IL1RAPL2: variants seen among roughly 807,000 people sequenced by gnomAD.
IL1RAPL2 encodes the protein interleukin 1 receptor accessory protein like 2.
A neutral mutation model predicts 44.1 loss-of-function variants in IL1RAPL2; 3 were observed. The observed-to-expected ratio is 0.07, with a 90% CI of 0.03 to 0.18. The LOEUF is 0.18. Ranked by LOEUF, IL1RAPL2 falls within the 10% of genes least tolerant of loss-of-function variation. The probability of loss-of-function intolerance (pLI) is 1.00; values close to 1 mark genes in which losing one functional copy is unlikely to be tolerated. For synonymous variants in IL1RAPL2, 181 were observed against 178.8 expected (o/e 1.01, Z -0.10); for missense variants, 391 against 496.4 (o/e 0.79, Z 2.02).
At chrX:105,014,002 C>T (rs1005274991) in intron 2 of IL1RAPL2, among the ~76,000 whole-genome samples, 8 of 112,025 alleles carry the variant, frequency 7.1e-5, no homozygotes, top group Non-Finnish European at 1.1e-4. Context: ...GCACATAGTG[C>T]GTATTCAGTG....
intron 2 of IL1RAPL2, among the ~76,000 whole-genome samples, chrX:104,985,239 C>T (rs1236986620): frequency 9.1e-6 from 1 of 109,864 alleles, no homozygotes; most frequent in African/African-American, 3.3e-5. Flanking sequence ...AGGTGTGTGC[C>T]ACCATGCCCA....
intron 1 of IL1RAPL2, among the ~76,000 whole-genome samples, chrX:104,580,947 T>G (rs1928333679): frequency 8.9e-6 from 1 of 112,355 alleles, no homozygotes; most frequent in African/African-American, 3.2e-5. Flanking sequence ...CTTTGAATCC[T>G]GTGGTTCTAT....
chrX:105,209,152 A>G (rs1415001051), intron 3 of IL1RAPL2, among the ~76,000 whole-genome samples: 1 of 112,267 alleles, frequency 8.9e-6, no homozygotes, highest in Non-Finnish European at 1.9e-5. Flanking sequence ...TCTGATTTTT[A>G]AGCATTTAGG....
At chrX:105,137,385 T>C (rs2033086062) in intron 2 of IL1RAPL2, among the ~76,000 whole-genome samples, 1 of 112,056 alleles carries the variant, frequency 8.9e-6, no homozygotes, top group African/African-American at 3.2e-5. Flanking sequence ...AACTCTGTTC[T>C]AGAGCAATGA....
intron 1 of IL1RAPL2, among the ~76,000 whole-genome samples, chrX:104,607,164 G>A (rs764934234): frequency 2.7e-5 from 3 of 112,193 alleles, no homozygotes; most frequent in East Asian, 2.8e-4. Flanking sequence ...AATAAATGGT[G>A]TTGGGAAAAC....
chrX:104,914,467 T>A (rs751716743), intron 2 of IL1RAPL2, among the ~76,000 whole-genome samples: 1 of 112,248 alleles, frequency 8.9e-6, no homozygotes, highest in African/African-American at 3.2e-5. Flanking sequence ...CCATTTAAAA[T>A]AATTTTATAA....
intron 10 of IL1RAPL2, among the ~76,000 whole-genome samples, chrX:105,763,657 T>C (rs981979663): frequency 9.4e-6 from 1 of 106,796 alleles, no homozygotes. Flanking sequence ...GAGGGGGAAA[T>C]GGGGGAGAAA....
chrX:104,665,630 A>T (rs1238286225), intron 2 of IL1RAPL2, among the ~76,000 whole-genome samples: 2 of 111,162 alleles, frequency 1.8e-5, no homozygotes, highest in African/African-American at 3.3e-5. Flanking sequence ...CATTTTTCAA[A>T]CTTGGAATCA....
intron 5 of IL1RAPL2, among the ~76,000 whole-genome samples, chrX:105,422,849 A>G (rs369414390): frequency 3.6e-5 from 4 of 110,719 alleles, no homozygotes; most frequent in Admixed American, 2.9e-4. Flanking sequence ...CTTCAAAGTT[A>G]TCAGAAACTT....
intron 5 of IL1RAPL2, among the ~76,000 whole-genome samples, chrX:105,419,491 C>T (rs1415360941): frequency 5.4e-5 from 6 of 111,567 alleles, no homozygotes; most frequent in Admixed American, 1.9e-4. Flanking sequence ...TTTCAAAGCA[C>T]GAATTCTACT....
intron 2 of IL1RAPL2, among the ~76,000 whole-genome samples, chrX:104,732,762 C>T (rs1454501360): frequency 1.8e-5 from 2 of 111,316 alleles, no homozygotes; most frequent in Non-Finnish European, 3.8e-5. Flanking sequence ...GAAAATTCCC[C>T]TGAACTAATT....
At chrX:104,658,826 T>C (rs1338938084) in intron 1 of IL1RAPL2, 69 bp from the exon 2 acceptor site, 4 of 651,729 alleles carry the variant, frequency 6.1e-6, no homozygotes, top group Non-Finnish European at 7.4e-6. Flanking sequence ...AATGTAAAAT[T>C]ATAGGTGTGG....
intron 6 of IL1RAPL2, among the ~76,000 whole-genome samples, chrX:105,697,293 C>A (rs866676962): frequency 5.6e-4 from 43 of 76,849 alleles, no homozygotes; most frequent in African/African-American, 7.3e-4. Flanking sequence ...CAACATAGCT[C>A]AAAAAAAAAA....
At chrX:105,398,556 A>G (rs1173816707) in intron 5 of IL1RAPL2, among the ~76,000 whole-genome samples, 2 of 110,721 alleles carry the variant, frequency 1.8e-5, no homozygotes, top group African/African-American at 3.3e-5. Context: ...TGAGAGCCCA[A>G]TTTTCAAAGT....
intron 2 of IL1RAPL2, among the ~76,000 whole-genome samples, chrX:105,075,341 T>C (rs746005881): frequency 1.8e-5 from 2 of 111,821 alleles, no homozygotes; most frequent in Non-Finnish European, 3.8e-5. Flanking sequence ...TGCTGGATTA[T>C]GTTTATTGTT....
chrX:105,055,551 A>G (rs1381230464), intron 2 of IL1RAPL2, among the ~76,000 whole-genome samples: 2 of 112,062 alleles, frequency 1.8e-5, no homozygotes, highest in African/African-American at 6.5e-5. Context: ...AAATAAAATA[A>G]TGAGGAACAC....
chrX:104,728,159 G>C, intron 2 of IL1RAPL2, among the ~76,000 whole-genome samples: 1 of 111,623 alleles, frequency 9.0e-6, no homozygotes, highest in East Asian at 2.8e-4. Flanking sequence ...ATCTTCAAGA[G>C]CTGAGGAAAA....
chrX:105,039,123 A>G (rs760997358), intron 2 of IL1RAPL2, among the ~76,000 whole-genome samples: 16 of 111,959 alleles, frequency 1.4e-4, no homozygotes, highest in Non-Finnish European at 2.8e-4. Flanking sequence ...AACTTGGCTT[A>G]GAGGGAGGTC....
intron 6 of IL1RAPL2, among the ~76,000 whole-genome samples, chrX:105,640,819 G>T (rs954950513): frequency 4.8e-5 from 5 of 104,205 alleles, no homozygotes; most frequent in South Asian, 4.4e-4. Flanking sequence ...CCGAGAGAGA[G>T]TGCCAAACAG....
Sources: allele counts gnomAD v4.1 joint callset (sites outside exome capture counted in the v4.1 genomes callset), GRCh38; gene constraint gnomAD v4.1.1; transcripts MANE v1.5; gene names NCBI Gene and HGNC (gene_info 2026-07-23, HGNC 2026-07-21).